The following AUTS2 variants were observed in gnomAD, a reference collection of about 807,000 sequenced individuals.
The protein encoded by AUTS2 is autism susceptibility gene 2 protein.
AUTS2 carries 17 observed loss-of-function variants against 112.4 expected under a neutral mutation model. The ratio of observed to expected loss-of-function variants is 0.15; its 90% confidence interval spans 0.10 to 0.23. AUTS2 has a LOEUF of 0.23. Among genes scored for constraint, AUTS2 ranks in the 10% least tolerant of loss-of-function variants. The pLI is 1.00. For synonymous variants in AUTS2, 751 were observed against 702.7 expected (o/e 1.07, Z -1.09); for missense variants, 1,510 against 1,701.6 (o/e 0.89, Z 1.98).
chr7:69,977,809 A>G (rs1798121654), intron 2 of AUTS2, among the ~76,000 whole-genome samples: 2 of 152,136 alleles, frequency 1.3e-5, no homozygotes, highest in South Asian at 2.1e-4. Flanking sequence ...ATCATATATC[A>G]TATCGGATAT....
intron 1 of AUTS2, among the ~76,000 whole-genome samples, chr7:69,797,790 C>T (rs556722452): frequency 6.6e-6 from 1 of 152,228 alleles, no homozygotes; most frequent in East Asian, 1.9e-4. Context: ...AATCCCAAAA[C>T]ATTTTTTTTC....
intron 6 of AUTS2, among the ~76,000 whole-genome samples, chr7:70,743,493 A>AC (rs1788248692): frequency 6.9e-6 from 1 of 144,356 alleles, no homozygotes; most frequent in South Asian, 2.2e-4. Context: ...AAAAAAAAAA[A>AC]CTAGTATGAC....
At chr7:69,790,560 T>C (rs1002637794) in intron 1 of AUTS2, among the ~76,000 whole-genome samples, 5 of 152,196 alleles carry the variant, frequency 3.3e-5, no homozygotes, top group Non-Finnish European at 5.9e-5. Flanking sequence ...TGACCTTGAG[T>C]AAGCTATAAC....
At chr7:70,005,263 T>C (rs1024084688) in intron 2 of AUTS2, among the ~76,000 whole-genome samples, 2 of 152,120 alleles carry the variant, frequency 1.3e-5, no homozygotes, top group African/African-American at 4.8e-5. Flanking sequence ...TGGATTTCCG[T>C]AGGGCCTTGC....
chr7:70,593,253 C>T (rs1803035093), intron 5 of AUTS2, among the ~76,000 whole-genome samples: 1 of 152,164 alleles, frequency 6.6e-6, no homozygotes, highest in Non-Finnish European at 1.5e-5. Context: ...GAGGAATTAA[C>T]ACAAATAAAG....
Position 70,790,907 on chromosome 7 carries a change from C to T in AUTS2, c.3691C>T (p.Pro1231Ser). 6.3e-7 allele frequency: 1 copy of T among 1,586,610 alleles called. No homozygotes were observed. Residue 1231 changes from proline to serine, a missense_variant, in exon 19 of 19, where the codon CCG becomes TCG. Physicochemically the swap from Pro to Ser is moderately conservative, Grantham distance 74. This residue lies in a region of AUTS2 where 788 missense variants were observed against 797.6 expected (regional missense o/e 0.99). Coordinates refer to ENST00000342771, the MANE Select transcript of AUTS2 (RefSeq NM_015570.4). The surrounding 1 kb of genome is among the most constrained non-coding windows in gnomAD (Gnocchi z 7.6). ...PPLISTLGGR[P>S]VSPRRTTPLS... ...GCTCATCTCCACGCTGGGGGGCCGC[C>T]CGGTCTCTCCCAGAAGGACGACTCC...
intron 4 of AUTS2, among the ~76,000 whole-genome samples, chr7:70,156,774 G>A (rs2082638127): frequency 6.6e-6 from 1 of 151,470 alleles, no homozygotes; most frequent in Non-Finnish European, 1.5e-5. Flanking sequence ...TCAAGGCCTG[G>A]CGTGGTGGCT....
intron 1 of AUTS2, among the ~76,000 whole-genome samples, chr7:69,864,955 CATT>C (rs564471073): frequency 7.2e-4 from 109 of 152,282 alleles, no homozygotes; most frequent in African/African-American, 2.6e-3. Flanking sequence ...TCTGTACACA[CATT>C]ATGTAAGTTT....
At position 70,631,327 on chromosome 7, in the gene AUTS2, C is replaced by G. The variant is rs559888982; in HGVS notation, c.691-67242C>G. Among the ~76,000 whole-genome samples the G allele has an allele frequency of 1.3e-5, 2 of 152,294 alleles. No individual in the cohort carries two copies. The highest frequency in any genetic ancestry group is 4.1e-4 in the South Asian group (2 of 4,826). On this transcript the variant is annotated intron_variant, in intron 5 of 18. Transcript: ENST00000342771. The surrounding 1 kb of genome is among the most constrained non-coding windows in gnomAD (Gnocchi z 4.5). ...TGCTGGCTCGCCTTGAAGAGAACAC[C>G]AGGGCAGGGGCTGGCGACTGGCGGC...
rs759657321 is a variant in AUTS2, at chr7:69,988,497, C to A, written c.522+88999C>A. 7.8e-4 allele frequency among the ~76,000 whole-genome samples: 119 copies of A among 152,140 alleles called. 1 individual carries two copies. The highest frequency in any genetic ancestry group is 8.1e-4 in the Non-Finnish European group (55 of 68,028). ...AATGCCAGCTCTCATAATTATGCAT[C>A]ACTTGTTGAATTATTTATTGTACAT... On this transcript the variant is annotated intron_variant, in intron 2 of 18. Coordinates refer to ENST00000342771, the MANE Select transcript of AUTS2 (RefSeq NM_015570.4).
At chr7:70,467,202 A>T (rs1292818267) in intron 5 of AUTS2, among the ~76,000 whole-genome samples, 1 of 152,252 alleles carries the variant, frequency 6.6e-6, no homozygotes, top group African/African-American at 2.4e-5. Context: ...AAGGGTGTAA[A>T]CAGAGGTAGA....
At chr7:70,031,602 CG>C (rs1204669634) in intron 2 of AUTS2, among the ~76,000 whole-genome samples, 7 of 152,116 alleles carry the variant, frequency 4.6e-5, no homozygotes, top group Non-Finnish European at 5.9e-5. Context: ...AGCCCCTGAA[CG>C]TGCTCATTTG....
intron 5 of AUTS2, among the ~76,000 whole-genome samples, chr7:70,486,649 C>T (rs1204264389): frequency 6.6e-6 from 1 of 152,096 alleles, no homozygotes; most frequent in Non-Finnish European, 1.5e-5. Context: ...ATCCCAGCTA[C>T]TTGGGAGGCT....
chr7:70,706,843 T>G (rs578047109), intron 6 of AUTS2, among the ~76,000 whole-genome samples: 20 of 152,332 alleles, frequency 1.3e-4, no homozygotes, highest in Non-Finnish European at 2.6e-4. Flanking sequence ...ATAATTAACC[T>G]GAGGAAGCAT....
intron 1 of AUTS2, among the ~76,000 whole-genome samples, chr7:69,631,825 G>A (rs1299426017): frequency 6.6e-6 from 1 of 152,156 alleles, no homozygotes; most frequent in East Asian, 1.9e-4. Context: ...TGTGGAAAGT[G>A]TTTACTTTGT....
At chr7:70,541,477 T>G (rs1800551839) in intron 5 of AUTS2, among the ~76,000 whole-genome samples, 1 of 152,238 alleles carries the variant, frequency 6.6e-6, no homozygotes, top group African/African-American at 2.4e-5. Context: ...CAAACCACAT[T>G]TATTCCTAAA....
intron 5 of AUTS2, chr7:70,596,562 G>A (rs1470842058): frequency 6.6e-6 from 1 of 152,234 alleles, no homozygotes; most frequent in Non-Finnish European, 1.5e-5. Flanking sequence ...GCCCTGCCTG[G>A]AGACTTTGAA....
chr7:70,435,948 C>A, intron 5 of AUTS2, 167 bp downstream of exon 5: 3 of 615,156 alleles, frequency 4.9e-6, no homozygotes, highest in African/African-American at 1.8e-5. Flanking sequence ...TGCTATGACA[C>A]GTTTAATTTG....
At chr7:70,788,615 T>A (rs1373875418) in intron 18 of AUTS2, among the ~76,000 whole-genome samples, 1 of 152,222 alleles carries the variant, frequency 6.6e-6, no homozygotes, top group African/African-American at 2.4e-5. Context: ...TTTGCGTGTT[T>A]TTCTGGATGG....
Sources: gnomAD v4.1 joint callset for allele counts (sites outside exome capture counted in the v4.1 genomes callset) on GRCh38, gnomAD v4.1.1 for gene constraint, gnomAD v4.1.1 regional missense constraint, Gnocchi (gnomAD v3.1) non-coding constraint, MANE v1.5 for transcripts, NCBI Gene and HGNC (gene_info 2026-07-23, HGNC 2026-07-21) for gene names.